The following NEURL4 variants were observed in gnomAD, a reference collection of about 807,000 sequenced individuals.
The protein encoded by NEURL4 is neuralized E3 ubiquitin protein ligase 4, also known as neuralized-like protein 4.
NEURL4 carries 45 observed loss-of-function variants against 148.0 expected under a neutral mutation model. The ratio of observed to expected loss-of-function variants is 0.30; its 90% CI spans 0.24 to 0.39. The LOEUF is 0.39. NEURL4 is among the 10% of genes least tolerant of loss of function. The probability of loss-of-function intolerance (pLI) is 1.00; values close to 1 mark genes in which losing one functional copy is unlikely to be tolerated. For missense variants in NEURL4, 1,776 were observed against 2,144.0 expected (o/e 0.83, Z 3.39); for synonymous variants, 854 against 869.0 (o/e 0.98, Z 0.30).
In NEURL4 at chr17:7,321,701, C is replaced by T. The variant is rs1182704238; in HGVS notation, c.2958G>A (p.Gly986=). The change falls in exon 18 of 29, where the codon GGG becomes GGA. Residue 986 remains glycine (G), a synonymous_variant. Coordinates refer to ENST00000399464, the MANE Select transcript of NEURL4 (RefSeq NM_032442.3). This position sits in a 1 kb window ranked among gnomAD's most constrained non-coding sequence, Gnocchi z 6.3. ...GCAGCCCTGGGCCACCACCGCCTGC[C>T]CCGGGTCCCATCTCCCCCGGTGCTA... ...TTLAPGEMGP[G]AGGGGPGLPP... 6 of 1,613,758 alleles carry T rather than the reference C, an allele frequency of 3.7e-6. No individual in the cohort carries two copies. The South Asian group carries it at 5.5e-5, about 15-fold the overall frequency.
rs371700501 is a variant in NEURL4 at position 7,317,104 on chromosome 17, T to C, written c.4484+101A>G. 1.2e-5 allele frequency: 9 copies of C among 777,536 alleles called. No individual in the cohort carries two copies. In the African/African-American group the frequency reaches 1.6e-4, roughly 14 times the overall value. The allele number at this position is 777,536 out of a possible 1,614,324, so 48.2% of individuals were successfully genotyped here. ...GAGACTGGCAGCTAGCAAGACGAGA[T>C]GAGAAAAGGGGAGGGCGAATCATGA... On this transcript the variant is annotated intron_variant, in intron 28 of 28. Coordinates refer to ENST00000399464, the MANE Select transcript of NEURL4 (RefSeq NM_032442.3).
chr17:7,322,814 G>A lies in NEURL4; in HGVS notation c.2646C>T (p.Thr882=), dbSNP rs1248875477. 1 of 1,613,978 alleles carries A rather than the reference G, an allele frequency of 6.2e-7. No homozygotes were observed. The highest frequency in any genetic ancestry group is 2.2e-5 in the East Asian group (1 of 44,894). ...LYGQCVQVSI[T]NATGPMDNSL... is the part of the protein sequence containing the mutation. ...TGTTGTCCATGGGGCCGGTGGCATT[G>A]GTGATGGACACTTGGACACACTGGC... Residue 882 remains threonine (T), a synonymous_variant, in exon 16 of 29, where the codon ACC becomes ACT. Transcript: ENST00000399464. The surrounding 1 kb of genome is among the most constrained non-coding windows in gnomAD (Gnocchi z 5.5).
At chr17:7,323,194 G>A in intron 14 of NEURL4, 71 bp from the exon 15 acceptor site, 1 of 1,503,972 alleles carries the variant, frequency 6.6e-7, no homozygotes, top group Non-Finnish European at 9.1e-7. Flanking sequence ...CCCACTCCCT[G>A]TCTGTCAGAA....
intron 21 of NEURL4, among the ~76,000 whole-genome samples, chr17:7,319,534 C>G (rs1253273051): frequency 6.6e-6 from 1 of 151,332 alleles, no homozygotes; most frequent in Non-Finnish European, 1.5e-5. Flanking sequence ...AACTCCGTCT[C>G]TACTAAAAAT....
intron 8 of NEURL4, 98 bp downstream of exon 8, chr17:7,325,111 C>A: frequency 6.6e-7 from 1 of 1,514,750 alleles, no homozygotes; most frequent in Non-Finnish European, 8.9e-7. Context: ...CAGGAAGCTG[C>A]CCCCGCCAGG....
rs979629081 is a variant in NEURL4 at position 7,318,972 on chromosome 17, G to A, written c.3684+78C>T. 2 of 1,476,606 alleles carry A rather than the reference G, an allele frequency of 1.4e-6. No homozygotes were observed. Among genetic ancestry groups the A allele is most frequent in the African/African-American group, 2.8e-5 (2 of 70,968 alleles). The allele number at this position is 1,476,606 out of a possible 1,614,324, so 91.5% of individuals were successfully genotyped here. On this transcript the variant is annotated intron_variant, in intron 22 of 28. Coordinates refer to ENST00000399464, the MANE Select transcript of NEURL4 (RefSeq NM_032442.3). This position sits in a 1 kb window ranked among gnomAD's most constrained non-coding sequence, Gnocchi z 4.3. ...CCTGTGGTCCTACCTCCAAGGCTAG[G>A]GGCCCACTTCTCCCTTCTGGCCAGC...
chr17:7,328,211 C>G (rs1473477688), intron 1 of NEURL4, among the ~76,000 whole-genome samples: 1 of 152,204 alleles, frequency 6.6e-6, no homozygotes, highest in Non-Finnish European at 1.5e-5. Flanking sequence ...ACCCACACCT[C>G]TTGCTCTTGT....
intron 21 of NEURL4, among the ~76,000 whole-genome samples, chr17:7,319,912 C>T (rs2073007553): frequency 6.6e-6 from 1 of 151,754 alleles, no homozygotes; most frequent in African/African-American, 2.4e-5. Context: ...TCACTGCAAG[C>T]TCCGCCTCCT....
In NEURL4 at chr17:7,316,217, G is replaced by A; in HGVS notation, c.4595C>T (p.Pro1532Leu). Residue 1532 changes from proline (P) to leucine (L), a missense_variant, in exon 29 of 29, where the codon CCT (proline) becomes CTT (leucine). Coordinates refer to ENST00000399464, the MANE Select transcript of NEURL4 (RefSeq NM_032442.3). Reference sequence around the variant, plus strand: ...GGCTGGACTGAAGTGAGGGTCAGGAGGTTCTCCAAGGGCAGCGGAAGGGGG... The same window carrying A: ...GGCTGGACTGAAGTGAGGGTCAGGAAGTTCTCCAAGGGCAGCGGAAGGGGG... ...PGPPSAALGE[P>L]PDPHFSPAEL... The A allele has an allele frequency of 6.2e-7, 1 of 1,613,122 alleles. No individual in the cohort carries two copies. Among genetic ancestry groups the A allele is most frequent in the Non-Finnish European group, 8.5e-7 (1 of 1,179,100 alleles).
chr17:7,316,073 G>T lies in NEURL4; in HGVS notation c.*50C>A. 1 of 984,044 alleles carries T rather than the reference G, an allele frequency of 1.0e-6. No individual in the cohort carries two copies. The highest frequency in any genetic ancestry group is 1.7e-6 in the Non-Finnish European group (1 of 605,170). 61.0% of individuals were successfully genotyped at this position (984,044 alleles called of 1,614,324 possible). A position where few individuals can be genotyped will look rare whatever the true frequency, so the allele number is the denominator to read the frequency against. ...GAGGTGGAGGCAGTCGCCACTCAGAGTCCATGGGCCCGCGGCCCGACTGTG... is the reference window on the plus strand; with the variant it reads ...GAGGTGGAGGCAGTCGCCACTCAGATTCCATGGGCCCGCGGCCCGACTGTG... On this transcript the variant is annotated 3_prime_UTR_variant, in exon 29 of 29. Transcript: ENST00000399464.
Position 7,329,205 on chromosome 17 carries a change from C to A in NEURL4, c.108G>T (p.Gly36=), listed in dbSNP as rs977779125. ...GCAGTTCCCCGCCGCTGCCCAGACC[C>A]CCGTTGGACCCCGGTCCTGAGCCGC... The part of the protein sequence containing the change: ...SGSGSGPGSN[G]GLGSGGELHP... The change falls in exon 1 of 29, where the codon GGG becomes GGT. Residue 36 remains glycine (G), a synonymous_variant. Coordinates refer to ENST00000399464, the MANE Select transcript of NEURL4 (RefSeq NM_032442.3). 3 of 1,562,758 alleles carry A rather than the reference C, an allele frequency of 1.9e-6. No homozygotes were observed. The highest frequency in any genetic ancestry group is 1.4e-5 in the African/African-American group (1 of 73,936).
rs369191676 is a variant in NEURL4, at chr17:7,327,749, G to A, written c.418C>T (p.Arg140Cys). ...VSGCSVLRDGRSVLEEYGQDL... is the reference protein window; with the variant it reads ...VSGCSVLRDGCSVLEEYGQDL... Reference sequence around the variant, plus strand: ...TGACCATACTCCTCCAACACAGAGCGTCCATCTCTCAGCACAGAGCAGCCC... The same window carrying A: ...TGACCATACTCCTCCAACACAGAGCATCCATCTCTCAGCACAGAGCAGCCC... The change falls in exon 2 of 29, where the codon CGC becomes TGC. Residue 140 changes from arginine (R) to cysteine (C), a missense_variant. Transcript: ENST00000399464. The surrounding 1 kb of genome is among the most constrained non-coding windows in gnomAD (Gnocchi z 6.6). 2.4e-5 allele frequency: 38 copies of A among 1,613,958 alleles called. No homozygotes were observed. The highest frequency in any genetic ancestry group is 1.2e-4 in the African/African-American group (9 of 74,920).
In NEURL4 at chr17:7,324,254, C is replaced by A; in HGVS notation, c.1916G>T (p.Gly639Val). Residue 639 changes from glycine to valine, a missense_variant, in exon 11 of 29, where the codon GGC (glycine) becomes GTC (valine). Physicochemically the swap from Gly to Val is moderately radical, Grantham distance 109 (BLOSUM62 -3). Coordinates refer to ENST00000399464, the MANE Select transcript of NEURL4 (RefSeq NM_032442.3). The surrounding 1 kb of genome is among the most constrained non-coding windows in gnomAD (Gnocchi z 5.9). The part of the protein sequence containing the change: ...LDRLKAGDTV[G>V]VVRREDGTLH... ...AGTCCCGTCCTCCCGCCGTACCACG[C>A]CCACCGTGTCCCCTGCCTTGGAAGA... 1 of 1,613,952 alleles carries A rather than the reference C, an allele frequency of 6.2e-7. No individual in the cohort carries two copies. The highest frequency in any genetic ancestry group is 8.5e-7 in the Non-Finnish European group (1 of 1,179,972).
At position 7,326,559 on chromosome 17, in the gene NEURL4, G is replaced by C. The variant is rs778847366; in HGVS notation, c.1093-11C>G. On this transcript the variant is annotated splice_polypyrimidine_tract_variant and intron_variant, in intron 4 of 28. Coordinates refer to ENST00000399464, the MANE Select transcript of NEURL4 (RefSeq NM_032442.3). This position sits in a 1 kb window ranked among gnomAD's most constrained non-coding sequence, Gnocchi z 6.0. ...CTTGTCGATACGGATCTGGCATTGA[G>C]GGACAGAAGGGAGAAGCAGGGAATG... 6.2e-7 allele frequency: 1 copy of C among 1,612,952 alleles called. No individual in the cohort carries two copies. The highest frequency in any genetic ancestry group is 1.1e-5 in the South Asian group (1 of 91,038).
At chr17:7,325,964 T>C (rs1012154504) in intron 6 of NEURL4, among the ~76,000 whole-genome samples, 12 of 152,170 alleles carry the variant, frequency 7.9e-5, no homozygotes, top group African/African-American at 2.9e-4. Context: ...GTACTACTCG[T>C]AGGCTCATTT....
At position 7,323,540 on chromosome 17, in the gene NEURL4, C is replaced by T; in HGVS notation, c.2362G>A (p.Asp788Asn). The change falls in exon 14 of 29, where the codon GAC becomes AAC. Residue 788 changes from aspartate to asparagine, a missense_variant. Transcript: ENST00000399464. ...EAGVTAIRPE[D>N]LEFPNTMTDI... ...GTCATGGTGTTGGGGAATTCCAGGT[C>T]TTCAGGCCGAATAGCAGTCACTCCT... is the stretch of plus-strand genomic sequence containing the variant. 1 of 1,614,228 alleles carries T rather than the reference C, an allele frequency of 6.2e-7. No individual in the cohort carries two copies. Among genetic ancestry groups the T allele is most frequent in the Non-Finnish European group, 8.5e-7 (1 of 1,180,038 alleles).
chr17:7,321,200 T>A lies in NEURL4; in HGVS notation c.3272A>T (p.Glu1091Val), dbSNP rs145900596. 2.9e-3 allele frequency: 4,703 copies of A among 1,613,762 alleles called. 42 individuals carry two copies. Among genetic ancestry groups the A allele is most frequent in the Middle Eastern group, 0.017 (104 of 6,062 alleles). ...GGAAGGAGGCTGGGTGCCTTCTGAC[T>A]CCTCCAGTCTCGTGGAACTGACAAT... The part of the protein sequence containing the change: ...VSIVSSTRLE[E>V]SEGTQPPSPS... The change falls in exon 20 of 29, where the codon GAG (glutamate) becomes GTG (valine). Residue 1091 changes from glutamate (E) to valine (V), a missense_variant. Coordinates refer to ENST00000399464, the MANE Select transcript of NEURL4 (RefSeq NM_032442.3). The surrounding 1 kb of genome is among the most constrained non-coding windows in gnomAD (Gnocchi z 6.3).
In NEURL4 at chr17:7,327,382, A is replaced by C; in HGVS notation, c.727+58T>G. Reference sequence around the variant, plus strand: ...CTGCCCACACCCAGCCTGTCTTGTCACTCTATTTCCCCCATTCCGTCCCCA... The same window carrying C: ...CTGCCCACACCCAGCCTGTCTTGTCCCTCTATTTCCCCCATTCCGTCCCCA... On this transcript the variant is annotated intron_variant, in intron 2 of 28. Coordinates refer to ENST00000399464, the MANE Select transcript of NEURL4 (RefSeq NM_032442.3). The surrounding 1 kb of genome is among the most constrained non-coding windows in gnomAD (Gnocchi z 6.6). The C allele has an allele frequency of 4.1e-6, 6 of 1,471,124 alleles. No individual in the cohort carries two copies. The South Asian group carries it at 7.9e-5, about 19-fold the overall frequency. 91.1% of individuals were successfully genotyped at this position (1,471,124 alleles called of 1,614,324 possible). A position where few individuals can be genotyped will look rare whatever the true frequency, so the allele number is the denominator to read the frequency against.
In NEURL4 at chr17:7,327,344, G is replaced by T; in HGVS notation, c.727+96C>A. On this transcript the variant is annotated intron_variant, in intron 2 of 28. Transcript: ENST00000399464. The surrounding 1 kb of genome is among the most constrained non-coding windows in gnomAD (Gnocchi z 6.6). ...TGCTCTCCCATTCAACAGACTTGGG[G>T]ATCAGGGTGGCCCTGCCCACACCCA... 1 of 1,442,668 alleles carries T rather than the reference G, an allele frequency of 6.9e-7. No homozygotes were observed. The highest frequency in any genetic ancestry group is 9.4e-7 in the Non-Finnish European group (1 of 1,065,952). 89.4% of individuals were successfully genotyped at this position (1,442,668 alleles called of 1,614,324 possible).
Sources: allele counts gnomAD v4.1 joint callset (sites outside exome capture counted in the v4.1 genomes callset), GRCh38; gene constraint gnomAD v4.1.1; non-coding constraint Gnocchi (gnomAD v3.1); transcripts MANE v1.5; gene names NCBI Gene and HGNC (gene_info 2026-07-23, HGNC 2026-07-21).